The following CDYL variants were observed in gnomAD, a reference collection of about 807,000 sequenced individuals.
CDYL encodes chromodomain Y like, also known as chromodomain Y-like protein.
Under a neutral mutation model 47.3 loss-of-function variants are expected in CDYL, and 8 were observed. The ratio of observed to expected loss-of-function variants is 0.17; its 90% CI spans 0.10 to 0.31. The LOEUF is 0.31. Among genes scored for constraint, CDYL ranks in the 10% least tolerant of loss-of-function variants. The pLI is 1.00. For missense variants in CDYL, 471 were observed against 701.4 expected (o/e 0.67, Z 3.71); for synonymous variants, 266 against 265.0 (o/e 1.00, Z -0.04).
At chr6:4,799,719 A>G (rs906323544) in intron 1 of CDYL, among the ~76,000 whole-genome samples, 10 of 152,190 alleles carry the variant, frequency 6.6e-5, no homozygotes, top group South Asian at 2.1e-4. Context: ...ATTACAGAGC[A>G]TGAGCCATTG....
chr6:4,761,962 T>C lies in CDYL; in HGVS notation c.186+27118T>C, dbSNP rs187967980. On this transcript the variant is annotated intron_variant, in intron 3 of 8. Coordinates refer to the CDYL transcript ENST00000328908. Reference sequence around the variant, plus strand: ...GAACTAATAAGATGTTTAAAAACACTGAGCTAGGGTGGGGAAGCTTGGAAG... The same window carrying C: ...GAACTAATAAGATGTTTAAAAACACCGAGCTAGGGTGGGGAAGCTTGGAAG... Among the ~76,000 whole-genome samples the C allele has an allele frequency of 6.1e-3, 933 of 152,296 alleles. 18 individuals are homozygous for C. Among genetic ancestry groups the C allele is most frequent in the East Asian group, 0.037 (194 of 5,188 alleles).
At chr6:4,786,713 G>T (rs945908343) in intron 1 of CDYL, among the ~76,000 whole-genome samples, 2 of 152,114 alleles carry the variant, frequency 1.3e-5, no homozygotes, top group African/African-American at 4.8e-5. Flanking sequence ...GGGAGCATTT[G>T]TAGGGTCCCT....
intron 1 of CDYL, among the ~76,000 whole-genome samples, chr6:4,882,095 A>G (rs1429564691): frequency 6.6e-6 from 1 of 152,160 alleles, no homozygotes. Context: ...GGCACAGCAC[A>G]CCGGAGCAGG....
At chr6:4,720,479 G>A (rs182240144) in intron 2 of CDYL, among the ~76,000 whole-genome samples, 4 of 152,084 alleles carry the variant, frequency 2.6e-5, no homozygotes, top group African/African-American at 7.2e-5. Context: ...TCTTTATAAG[G>A]TCTTATATTT....
chr6:4,800,467 T>C (rs958784020), intron 1 of CDYL, among the ~76,000 whole-genome samples: 15 of 152,214 alleles, frequency 9.9e-5, no homozygotes, highest in Non-Finnish European at 1.9e-4. Context: ...TGCTTTATGC[T>C]GTCATCTTTT....
At chr6:4,777,289 C>T (rs1045424384) in intron 1 of CDYL, among the ~76,000 whole-genome samples, 11 of 152,164 alleles carry the variant, frequency 7.2e-5, no homozygotes, top group African/African-American at 2.4e-4. Context: ...CAAAGCGATG[C>T]AAAATCTCGC....
chr6:4,732,334 C>T (rs1757619700), intron 2 of CDYL, among the ~76,000 whole-genome samples: 1 of 150,866 alleles, frequency 6.6e-6, no homozygotes, highest in Admixed American at 6.6e-5. Context: ...GACCCTGTCT[C>T]TAAATTAATT....
At chr6:4,746,174 A>T (rs1757893482) in intron 3 of CDYL, among the ~76,000 whole-genome samples, 1 of 151,834 alleles carries the variant, frequency 6.6e-6, no homozygotes. Context: ...GACCGGCCTG[A>T]CCAACATGGT....
At chr6:4,709,105 C>T (rs890020569) in intron 1 of CDYL, among the ~76,000 whole-genome samples, 3 of 152,160 alleles carry the variant, frequency 2.0e-5, no homozygotes, top group Admixed American at 6.5e-5. Flanking sequence ...TGGCACTAAT[C>T]CACCTTCTCC....
chr6:4,927,428 CGTGTGTGTGTGTGTGTGT>C (rs35317751), intron 2 of CDYL, among the ~76,000 whole-genome samples: 12 of 142,458 alleles, frequency 8.4e-5, no homozygotes, highest in Admixed American at 2.1e-4. Context: ...ATTTACTGTA[CGTGTGTGTGTGTGTGTGT>C]GTGTGTGTGT....
chr6:4,784,912 G>C (rs59166133), intron 1 of CDYL, among the ~76,000 whole-genome samples: 8,025 of 149,918 alleles, frequency 0.054, 674 homozygotes, highest in African/African-American at 0.19. Context: ...CCCTGCACAA[G>C]CTCTCTTGCC....
chr6:4,833,712 C>G (rs1316875215), intron 1 of CDYL, among the ~76,000 whole-genome samples: 2 of 151,552 alleles, frequency 1.3e-5, no homozygotes, highest in African/African-American at 4.9e-5. Flanking sequence ...GAGTCTAAGT[C>G]TCTTTTTAGA....
At chr6:4,714,146 A>T (rs1259241668) in intron 1 of CDYL, 1 of 151,924 alleles carries the variant, frequency 6.6e-6, no homozygotes, top group Non-Finnish European at 1.5e-5. Flanking sequence ...GTTTGGGGCC[A>T]GGATCAAACC....
chr6:4,720,192 C>G (rs1387455035), intron 2 of CDYL, among the ~76,000 whole-genome samples: 1 of 152,178 alleles, frequency 6.6e-6, no homozygotes, highest in Non-Finnish European at 1.5e-5. Flanking sequence ...AACATTGAGT[C>G]AAAACCTTAC....
chr6:4,724,078 A>T (rs1221735726), intron 2 of CDYL, among the ~76,000 whole-genome samples: 1 of 152,142 alleles, frequency 6.6e-6, no homozygotes, highest in African/African-American at 2.4e-5. Flanking sequence ...TTGCTCTGAC[A>T]CCCAGGCTCT....
chr6:4,834,569 G>A (rs1424617380), intron 1 of CDYL, among the ~76,000 whole-genome samples: 2 of 149,220 alleles, frequency 1.3e-5, no homozygotes, highest in East Asian at 2.0e-4. Context: ...TGCTCTTCTC[G>A]AGGAGTATCT....
intron 1 of CDYL, among the ~76,000 whole-genome samples, chr6:4,832,514 C>A (rs1457791403): frequency 6.6e-6 from 1 of 150,956 alleles, no homozygotes; most frequent in Non-Finnish European, 1.5e-5. Context: ...CAATGTTCAT[C>A]AAGGATATTG....
intron 1 of CDYL, among the ~76,000 whole-genome samples, chr6:4,814,524 GTTA>G (rs1759616316): frequency 6.6e-6 from 1 of 152,168 alleles, no homozygotes; most frequent in South Asian, 2.1e-4. Flanking sequence ...TTAGTATTTT[GTTA>G]TTGTTGTTGT....
chr6:4,855,915 C>T (rs923024904), intron 1 of CDYL, among the ~76,000 whole-genome samples: 7 of 152,196 alleles, frequency 4.6e-5, no homozygotes, highest in African/African-American at 1.7e-4. Flanking sequence ...GCATCTCATG[C>T]TCGGACGTAG....
Sources: gnomAD v4.1 joint callset for allele counts (sites outside exome capture counted in the v4.1 genomes callset) on GRCh38, gnomAD v4.1.1 for gene constraint, MANE v1.5 for transcripts, NCBI Gene and HGNC (gene_info 2026-07-23, HGNC 2026-07-21) for gene names.